PLPPR1: variants seen among roughly 807,000 people sequenced by gnomAD.
PLPPR1 encodes phospholipid phosphatase related 1, also known as phospholipid phosphatase-related protein type 1.
PLPPR1 carries 10 observed loss-of-function variants against 33.1 expected under a neutral mutation model. The ratio of observed to expected loss-of-function variants is 0.30; its 90% CI spans 0.19 to 0.51. The LOEUF is 0.51. Ranked by LOEUF, PLPPR1 falls within the 20% of genes least tolerant of loss-of-function variation. PLPPR1 has a pLI of 0.97. For synonymous variants in PLPPR1, 151 were observed against 151.0 expected (o/e 1.00, Z 0.00); for missense variants, 304 against 408.1 (o/e 0.74, Z 2.20).
At chr9:101,042,066 G>A (rs892401797) in intron 1 of PLPPR1, among the ~76,000 whole-genome samples, 10 of 151,712 alleles carry the variant, frequency 6.6e-5, no homozygotes, top group Non-Finnish European at 2.9e-5. Context: ...TATAGAAGAA[G>A]AACAGAGAGA....
intron 1 of PLPPR1, among the ~76,000 whole-genome samples, chr9:101,096,646 A>G (rs1826478266): frequency 7.0e-6 from 1 of 143,376 alleles, no homozygotes; most frequent in Admixed American, 7.2e-5. Flanking sequence ...CATTATTTTC[A>G]TGTACATGTG....
At chr9:101,182,853 A>G (rs1826138923) in intron 1 of PLPPR1, among the ~76,000 whole-genome samples, 1 of 151,862 alleles carries the variant, frequency 6.6e-6, no homozygotes, top group African/African-American at 2.4e-5. Flanking sequence ...ACACTTCACA[A>G]AAGAATATAT....
chr9:101,034,688 C>T (rs927765706), intron 1 of PLPPR1, among the ~76,000 whole-genome samples: 16 of 151,970 alleles, frequency 1.1e-4, no homozygotes, highest in Admixed American at 3.9e-4. Context: ...TTGTAAAGGT[C>T]GGACAGAGTA....
intron 1 of PLPPR1, among the ~76,000 whole-genome samples, chr9:101,138,041 T>C (rs1235261717): frequency 6.6e-6 from 1 of 152,248 alleles, no homozygotes; most frequent in Non-Finnish European, 1.5e-5. Flanking sequence ...GTGTGAATTA[T>C]CATTATTACC....
chr9:101,212,438 A>G (rs1374690809), intron 2 of PLPPR1, among the ~76,000 whole-genome samples: 1 of 152,138 alleles, frequency 6.6e-6, no homozygotes, highest in Non-Finnish European at 1.5e-5. Flanking sequence ...TCTCTTCCCT[A>G]AAATCTGATA....
At chr9:101,276,082 G>A (rs537167436) in intron 3 of PLPPR1, among the ~76,000 whole-genome samples, 34 of 152,256 alleles carry the variant, frequency 2.2e-4, no homozygotes, top group South Asian at 4.2e-4. Context: ...TGCAGCTGCC[G>A]AAGCAAAGGA....
intron 1 of PLPPR1, among the ~76,000 whole-genome samples, chr9:101,156,552 C>CAAAAAAAAA (rs1162056636): frequency 2.2e-4 from 16 of 71,306 alleles, no homozygotes; most frequent in Non-Finnish European, 3.8e-4. Context: ...ACCCTGTCTC[C>CAAAAAAAAA]AAAAAAAAAA....
chr9:101,043,293 A>G (rs543537427), intron 1 of PLPPR1, among the ~76,000 whole-genome samples: 79 of 151,552 alleles, frequency 5.2e-4, no homozygotes, highest in African/African-American at 1.9e-3. Context: ...GTGTGTGTGT[A>G]TATATGTATG....
At chr9:101,092,096 CA>C (rs368443515) in intron 1 of PLPPR1, among the ~76,000 whole-genome samples, 2 of 152,180 alleles carry the variant, frequency 1.3e-5, no homozygotes, top group African/African-American at 4.8e-5. Context: ...TCCTCCAGCA[CA>C]ACATGCTCTC....
At chr9:101,077,581 A>AG (rs1356297312) in intron 1 of PLPPR1, among the ~76,000 whole-genome samples, 1 of 152,168 alleles carries the variant, frequency 6.6e-6, no homozygotes, top group Non-Finnish European at 1.5e-5. Context: ...AATTTATTGG[A>AG]GGATGTGCTC....
chr9:101,247,445 C>T (rs979990499), intron 2 of PLPPR1, among the ~76,000 whole-genome samples: 2 of 152,014 alleles, frequency 1.3e-5, no homozygotes, highest in East Asian at 3.9e-4. Flanking sequence ...AAGGGGGCCT[C>T]AAGAGAGATT....
chr9:101,138,128 T>C (rs1172004221), intron 1 of PLPPR1, among the ~76,000 whole-genome samples: 8 of 152,218 alleles, frequency 5.3e-5, no homozygotes, highest in Non-Finnish European at 1.2e-4. Context: ...ATCTTGTCTG[T>C]CCTAGTATTA....
intron 1 of PLPPR1, among the ~76,000 whole-genome samples, chr9:101,120,295 C>T (rs1831162838): frequency 6.6e-6 from 1 of 152,158 alleles, no homozygotes. Context: ...GCCTTGATGG[C>T]TAGATTTGCT....
chr9:101,153,681 T>A (rs1227308310), intron 1 of PLPPR1, among the ~76,000 whole-genome samples: 1 of 152,144 alleles, frequency 6.6e-6, no homozygotes, highest in Non-Finnish European at 1.5e-5. Context: ...TTCACACCAT[T>A]CTTCTGCCTC....
intron 3 of PLPPR1, among the ~76,000 whole-genome samples, chr9:101,277,668 G>A (rs935994142): frequency 2.0e-5 from 3 of 152,132 alleles, no homozygotes; most frequent in Non-Finnish European, 4.4e-5. Flanking sequence ...TTTGACAGAT[G>A]AGAAACTGAC....
chr9:101,247,391 T>C (rs1827630880), intron 2 of PLPPR1, among the ~76,000 whole-genome samples: 1 of 152,006 alleles, frequency 6.6e-6, no homozygotes, highest in African/African-American at 2.4e-5. Flanking sequence ...CATCAACCAC[T>C]TAGCATCTGA....
intron 1 of PLPPR1, among the ~76,000 whole-genome samples, chr9:101,066,237 A>T (rs1205431389): frequency 6.6e-6 from 1 of 152,022 alleles, no homozygotes; most frequent in Non-Finnish European, 1.5e-5. Flanking sequence ...GATTTGGGGG[A>T]TGAAAATAGT....
At chr9:101,057,397 G>T (rs1226426921) in intron 1 of PLPPR1, among the ~76,000 whole-genome samples, 1 of 152,102 alleles carries the variant, frequency 6.6e-6, no homozygotes, top group South Asian at 2.1e-4. Flanking sequence ...GATCAGAAAA[G>T]TGGATTATTT....
intron 1 of PLPPR1, among the ~76,000 whole-genome samples, chr9:101,181,714 T>TTACTG (rs1554732898): frequency 1.4e-5 from 2 of 141,610 alleles, no homozygotes; most frequent in African/African-American, 2.6e-5. Flanking sequence ...ACACACCAAA[T>TTACTG]TACTATTTGG....
Sources: gnomAD v4.1 joint callset for allele counts (sites outside exome capture counted in the v4.1 genomes callset) on GRCh38, gnomAD v4.1.1 for gene constraint, MANE v1.5 for transcripts, NCBI Gene and HGNC (gene_info 2026-07-23, HGNC 2026-07-21) for gene names.